DAB1: variants seen among roughly 807,000 people sequenced by gnomAD.
The protein encoded by DAB1 is disabled homolog 1.
Under a neutral mutation model 64.6 loss-of-function variants are expected in DAB1, and 15 were observed. The ratio of observed to expected loss-of-function variants is 0.23; its 90% CI spans 0.16 to 0.36. DAB1 has a LOEUF of 0.36. Ranked by LOEUF, DAB1 falls within the 10% of genes least tolerant of loss-of-function variation. DAB1 has a pLI of 1.00. For missense variants in DAB1, 596 were observed against 706.7 expected (o/e 0.84, Z 1.78); for synonymous variants, 235 against 251.9 (o/e 0.93, Z 0.64).
At chr1:58,043,741 T>TC (rs918872662) in intron 5 of DAB1, among the ~76,000 whole-genome samples, 4 of 152,166 alleles carry the variant, frequency 2.6e-5, no homozygotes, top group African/African-American at 9.7e-5. Flanking sequence ...CACATTTTTT[T>TC]TTTTAAGACG....
rs550778418 is a variant in DAB1 at position 57,207,777 on chromosome 1, C to T, written c.68-62348G>A. ...CCTTTCAAAGAGAACTCAACTGCCTCTCTAGATAGTAACTTCTTCCAGCAA... is the reference window on the plus strand; with the variant it reads ...CCTTTCAAAGAGAACTCAACTGCCTTTCTAGATAGTAACTTCTTCCAGCAA... On this transcript the variant is annotated intron_variant, in intron 2 of 14. Coordinates refer to ENST00000371236, the MANE Select transcript of DAB1 (RefSeq NM_001365792.1). Among the ~76,000 whole-genome samples the T allele has an allele frequency of 1.8e-3, 267 of 152,292 alleles. 1 individual carries two copies. Among genetic ancestry groups the T allele is most frequent in the African/African-American group, 6.3e-3 (262 of 41,568 alleles).
chr1:58,526,109 C>G lies in DAB1; in HGVS notation n.107+1152G>C, dbSNP rs558238614. 2.0e-5 allele frequency among the ~76,000 whole-genome samples: 3 copies of G among 152,168 alleles called. No individual in the cohort carries two copies. The South Asian group carries it at 6.2e-4, about 32-fold the overall frequency. ...ACTGAGATAAACAAAGATTTCCTAA[C>G]CAGAACACAGAACACACTTAACATA... On this transcript the variant is annotated intron_variant and non_coding_transcript_variant, in intron 2 of 20. Transcript: ENST00000485760.
intron 9 of DAB1, among the ~76,000 whole-genome samples, chr1:57,050,413 TG>T (rs1339036223): frequency 6.6e-6 from 1 of 152,214 alleles, no homozygotes; most frequent in African/African-American, 2.4e-5. Flanking sequence ...CTTTGCTCCT[TG>T]GGGGCTTCCC....
intron 2 of DAB1, among the ~76,000 whole-genome samples, chr1:57,235,928 A>G (rs1459278159): frequency 6.6e-6 from 1 of 152,212 alleles, no homozygotes; most frequent in Admixed American, 6.5e-5. Flanking sequence ...CCTGTCAGCA[A>G]TATCGGTTGA....
At chr1:58,265,486 C>A (rs190054686) in intron 4 of DAB1, among the ~76,000 whole-genome samples, 1 of 152,228 alleles carries the variant, frequency 6.6e-6, no homozygotes, top group African/African-American at 2.4e-5. Context: ...CTTCCATTGA[C>A]ATTGCACTGT....
chr1:57,892,652 T>G (rs1253850799), intron 5 of DAB1, among the ~76,000 whole-genome samples: 1 of 152,194 alleles, frequency 6.6e-6, no homozygotes, highest in East Asian at 1.9e-4. Flanking sequence ...GATAGTCTCT[T>G]TGTGCTTCTT....
intron 3 of DAB1, among the ~76,000 whole-genome samples, chr1:58,491,451 T>C (rs1645687633): frequency 6.6e-6 from 1 of 152,078 alleles, no homozygotes; most frequent in Admixed American, 6.5e-5. Context: ...AATGTTCCAA[T>C]CAAAAGACAC....
chr1:58,518,664 T>C (rs1389848948), intron 2 of DAB1, among the ~76,000 whole-genome samples: 28 of 151,866 alleles, frequency 1.8e-4, no homozygotes, highest in Admixed American at 1.8e-3. Flanking sequence ...GGGTTTTTTT[T>C]CCAAAAGCAA....
intron 5 of DAB1, among the ~76,000 whole-genome samples, chr1:57,893,439 C>T (rs1226778782): frequency 6.6e-6 from 1 of 152,134 alleles, no homozygotes; most frequent in East Asian, 1.9e-4. Context: ...AATCAATTGT[C>T]AGTGTACTGT....
At chr1:57,729,150 C>G (rs146139679) in intron 6 of DAB1, among the ~76,000 whole-genome samples, 6 of 152,228 alleles carry the variant, frequency 3.9e-5, no homozygotes, top group Admixed American at 3.9e-4. Flanking sequence ...CAGGTAAGCA[C>G]GTATCCACAG....
At chr1:58,322,369 C>T (rs930862241) in intron 4 of DAB1, among the ~76,000 whole-genome samples, 3 of 151,988 alleles carry the variant, frequency 2.0e-5, no homozygotes, top group Non-Finnish European at 2.9e-5. Context: ...CCAGAATCTA[C>T]AAGGAACTTA....
intron 6 of DAB1, among the ~76,000 whole-genome samples, chr1:57,742,958 T>C (rs1012985843): frequency 9.2e-5 from 14 of 152,178 alleles, no homozygotes; most frequent in Admixed American, 8.5e-4. Flanking sequence ...TTGTATTGTG[T>C]GCCGCTGTAT....
chr1:58,052,001 T>C (rs1387612389), intron 5 of DAB1, among the ~76,000 whole-genome samples: 1 of 152,250 alleles, frequency 6.6e-6, no homozygotes, highest in Non-Finnish European at 1.5e-5. Context: ...GGTTGCCTGT[T>C]CACTCTGATG....
chr1:57,218,624 G>C (rs1666622914), intron 2 of DAB1, among the ~76,000 whole-genome samples: 1 of 151,864 alleles, frequency 6.6e-6, no homozygotes, highest in Admixed American at 6.6e-5. Context: ...GAGCGTGGGA[G>C]GTCTAGGCTG....
At chr1:58,057,691 A>G (rs1207848796) in intron 5 of DAB1, among the ~76,000 whole-genome samples, 1 of 152,006 alleles carries the variant, frequency 6.6e-6, no homozygotes, top group Non-Finnish European at 1.5e-5. Context: ...TTGGTTTTGG[A>G]CTCCTAGCCT....
At chr1:57,313,691 T>G (rs1674935006) in intron 1 of DAB1, among the ~76,000 whole-genome samples, 2 of 152,228 alleles carry the variant, frequency 1.3e-5, no homozygotes, top group South Asian at 4.1e-4. Context: ...TTGTTAACAT[T>G]ATATTACGTT....
chr1:57,089,278 T>C (rs1406259488), intron 4 of DAB1, among the ~76,000 whole-genome samples: 1 of 152,188 alleles, frequency 6.6e-6, no homozygotes, highest in Non-Finnish European at 1.5e-5. Flanking sequence ...CTAGAACGTA[T>C]CCTGGTACAA....
chr1:58,375,565 C>T (rs1019914906), intron 3 of DAB1, among the ~76,000 whole-genome samples: 11 of 149,476 alleles, frequency 7.4e-5, no homozygotes, highest in African/African-American at 2.7e-4. Flanking sequence ...TTTTGATGTG[C>T]TGCTGGATTC....
chr1:58,207,148 C>T (rs1306790504), intron 4 of DAB1, among the ~76,000 whole-genome samples: 1 of 152,220 alleles, frequency 6.6e-6, no homozygotes, highest in Non-Finnish European at 1.5e-5. Context: ...CCTGCAGATA[C>T]TTAAGAAAAG....
Sources: allele counts gnomAD v4.1 joint callset (sites outside exome capture counted in the v4.1 genomes callset), GRCh38; gene constraint gnomAD v4.1.1; transcripts MANE v1.5; gene names NCBI Gene and HGNC (gene_info 2026-07-23, HGNC 2026-07-21).